Variants in UQCRC1 observed in about 807,000 individuals in gnomAD.
UQCRC1 encodes the protein cytochrome b-c1 complex subunit 1, mitochondrial.
In UQCRC1, 34 loss-of-function variants were observed where a neutral mutation model predicts 58.0. That is an observed-to-expected ratio of 0.59 (90% CI 0.45 to 0.78). The LOEUF (loss-of-function observed/expected upper bound fraction) is 0.78, where lower values mean the gene tolerates loss of function less well. UQCRC1 is among the 30% of genes least tolerant of loss of function. The probability of loss-of-function intolerance (pLI) is 0.00; values close to 1 mark genes in which losing one functional copy is unlikely to be tolerated. For synonymous variants in UQCRC1, 276 were observed against 248.8 expected (o/e 1.11, Z -1.03); for missense variants, 610 against 646.0 (o/e 0.94, Z 0.60).
chr3:48,609,515 CCT>C, intron 1 of UQCRC1, 35 bp downstream of exon 1: 1 of 1,546,398 alleles, frequency 6.5e-7, no homozygotes, highest in Non-Finnish European at 8.7e-7. Context: ...TTCCCGAAGC[CCT>C]GTCCCGAAGC....
At chr3:48,601,715 C>G (rs1235147237) in intron 6 of UQCRC1, among the ~76,000 whole-genome samples, 1 of 152,200 alleles carries the variant, frequency 6.6e-6, no homozygotes, top group Non-Finnish European at 1.5e-5. Context: ...TTCAGAGTTT[C>G]AAAATGGGCT....
chr3:48,599,525 T>A, intron 12 of UQCRC1, 110 bp downstream of exon 12: 1 of 1,254,498 alleles, frequency 8.0e-7, no homozygotes, highest in Non-Finnish European at 1.1e-6. Context: ...CTTGGGGCCT[T>A]AACTGGCTGC....
intron 2 of UQCRC1, among the ~76,000 whole-genome samples, chr3:48,607,893 C>G (rs992325840): frequency 1.3e-5 from 2 of 151,828 alleles, no homozygotes; most frequent in African/African-American, 4.8e-5. Flanking sequence ...GGCTCCATCT[C>G]GGCTCACTGC....
intron 10 of UQCRC1, 54 bp from the exon 11 acceptor site, chr3:48,600,205 A>G (rs757354563): frequency 1.2e-5 from 19 of 1,583,430 alleles, no homozygotes; most frequent in Admixed American, 1.0e-4. Context: ...CTGGACCCAC[A>G]GGTACACAAA....
At position 48,600,087 on chromosome 3, in the gene UQCRC1, C is replaced by T; in HGVS notation, c.1278G>A (p.Leu426=). ...CCGCAATCCGGCTTTCCCATTCAGCCAGGGGGATGCGGCGGCCATAGGTCA... is the reference window on the plus strand; with the variant it reads ...CCGCAATCCGGCTTTCCCATTCAGCTAGGGGGATGCGGCGGCCATAGGTCA... ...SLLTYGRRIP[L]AEWESRIAEV... is the part of the protein sequence containing the mutation. Residue 426 remains leucine (L), a synonymous_variant, in exon 11 of 13, where the codon CTG becomes CTA. Transcript: ENST00000203407. 1.2e-6 allele frequency: 2 copies of T among 1,614,184 alleles called. No individual in the cohort carries two copies. Among genetic ancestry groups the T allele is most frequent in the Non-Finnish European group, 1.7e-6 (2 of 1,180,024 alleles).
chr3:48,601,314 C>T, intron 7 of UQCRC1, 38 bp downstream of exon 7: 1 of 1,609,338 alleles, frequency 6.2e-7, no homozygotes. Flanking sequence ...CCCACAGGCC[C>T]CCAGCTGAGC....
chr3:48,609,095 C>T (rs1170409831), intron 2 of UQCRC1, 67 bp downstream of exon 2: 10 of 1,553,286 alleles, frequency 6.4e-6, no homozygotes, highest in South Asian at 6.0e-5. Context: ...CAAGGTCACA[C>T]CCCAACCAGG....
At chr3:48,606,111 G>A (rs1468447600) in intron 2 of UQCRC1, among the ~76,000 whole-genome samples, 1 of 152,118 alleles carries the variant, frequency 6.6e-6, no homozygotes, top group Admixed American at 6.5e-5. Flanking sequence ...ACTTCTAACT[G>A]TGCACATTTA....
intron 1 of UQCRC1, 71 bp downstream of exon 1, chr3:48,609,481 T>G (rs2046445381): frequency 6.5e-7 from 1 of 1,532,346 alleles, no homozygotes; most frequent in African/African-American, 1.4e-5. Flanking sequence ...GACCTGCCAC[T>G]GCTAACAGCC....
At position 48,605,849 on chromosome 3, in the gene UQCRC1, A is replaced by G. The variant is rs1386936580; in HGVS notation, c.218T>C (p.Val73Ala). The G allele has an allele frequency of 6.2e-7, 1 of 1,612,834 alleles. No homozygotes were observed. The highest frequency in any genetic ancestry group is 8.5e-7 in the Non-Finnish European group (1 of 1,179,644). Residue 73 changes from valine (V) to alanine (A), a missense_variant, in exon 3 of 13, where the codon GTG becomes GCG. Transcript: ENST00000203407. ...QSSQPTCTVG[V>A]WIDVGSRFET... The stretch of plus-strand genomic sequence containing the variant: ...AAAACGGCTGCCAACATCAATCCAC[A>G]CTCCCACCTGGTCAAGAAGCCACCA...
rs2046397986 is a variant in UQCRC1, at chr3:48,604,914, C to T, written c.298-134G>A. 9 of 1,296,406 alleles carry T rather than the reference C, an allele frequency of 6.9e-6. No individual in the cohort carries two copies. In the Admixed American group the frequency reaches 1.6e-4, roughly 23 times the overall value. 80.3% of individuals were successfully genotyped at this position (1,296,406 alleles called of 1,614,324 possible). A position where few individuals can be genotyped will look rare whatever the true frequency, so the allele number is the denominator to read the frequency against. ...CAGCATAGACTCTGGGGACACAGAT[C>T]CCAGAGTCTGTTTACCAAGCACTAA... On this transcript the variant is annotated intron_variant, in intron 3 of 12. Transcript: ENST00000203407.
intron 4 of UQCRC1, 25 bp downstream of exon 4, chr3:48,604,626 C>T (rs750190312): frequency 1.2e-5 from 19 of 1,613,912 alleles, no homozygotes; most frequent in Non-Finnish European, 8.5e-6. Flanking sequence ...TGCCCTCTGT[C>T]CCCGCCTCTT....
At chr3:48,606,680 G>A (rs1003935835) in intron 2 of UQCRC1, among the ~76,000 whole-genome samples, 1 of 151,008 alleles carries the variant, frequency 6.6e-6, no homozygotes, top group African/African-American at 2.4e-5. Flanking sequence ...AGAGGCAGAG[G>A]ATGTAGTGAG....
chr3:48,602,746 C>T (rs1420434558), intron 6 of UQCRC1, among the ~76,000 whole-genome samples: 1 of 151,688 alleles, frequency 6.6e-6, no homozygotes, highest in Non-Finnish European at 1.5e-5. Flanking sequence ...TGGTCTCGAA[C>T]TCCTTACCTC....
chr3:48,606,549 C>A (rs556734840), intron 2 of UQCRC1, among the ~76,000 whole-genome samples: 1 of 152,242 alleles, frequency 6.6e-6, no homozygotes, highest in East Asian at 1.9e-4. Context: ...CAGTTCGAGA[C>A]CAGCCTGGCC....
At chr3:48,603,971 T>C in intron 5 of UQCRC1, 2 of 587,342 alleles carry the variant, frequency 3.4e-6, no homozygotes, top group Non-Finnish European at 3.0e-6. Flanking sequence ...AGAGACCACA[T>C]GGAGGGGACA....
intron 6 of UQCRC1, among the ~76,000 whole-genome samples, chr3:48,602,576 G>A (rs1424635530): frequency 1.3e-5 from 2 of 148,658 alleles, no homozygotes; most frequent in Admixed American, 6.7e-5. Context: ...AGGCCGGAGT[G>A]CAGTGGTACA....
chr3:48,604,146 G>T, intron 5 of UQCRC1, 87 bp downstream of exon 5: 1 of 1,451,634 alleles, frequency 6.9e-7, no homozygotes, highest in Non-Finnish European at 9.5e-7. Flanking sequence ...AACCCCGACA[G>T]CTAGCCAACT....
chr3:48,604,171 GA>G (rs1488106478), intron 5 of UQCRC1, 61 bp downstream of exon 5: 4 of 1,568,410 alleles, frequency 2.6e-6, no homozygotes, highest in Admixed American at 3.5e-5. Flanking sequence ...ATGTGACCTG[GA>G]AAGGGTCTGG....
Sources: allele counts gnomAD v4.1 joint callset (sites outside exome capture counted in the v4.1 genomes callset), GRCh38; gene constraint gnomAD v4.1.1; transcripts MANE v1.5; gene names NCBI Gene and HGNC (gene_info 2026-07-23, HGNC 2026-07-21).